POLR2E: variants seen among roughly 807,000 people sequenced by gnomAD.
POLR2E encodes RNA polymerase II, I and III subunit E.
A neutral mutation model predicts 29.8 loss-of-function variants in POLR2E; 35 were observed. That is an observed-to-expected ratio of 1.17 (90% CI 0.90 to 1.55). POLR2E has a LOEUF of 1.55. POLR2E is among the 40% of genes most tolerant of loss of function. The pLI is 0.00. For synonymous variants in POLR2E, 174 were observed against 112.6 expected (o/e 1.55, Z -3.45); for missense variants, 287 against 288.6 (o/e 0.99, Z 0.04).
Position 1,089,910 on chromosome 19 carries a change from G to A in POLR2E, c.541C>T (p.Arg181Cys), listed in dbSNP as rs778316755. ...TGCCCACGCTTTATCCCAAAGTAGCGCGCCACAGGGTCCCCCGCCTGGATC... is the reference window on the plus strand; with the variant it reads ...TGCCCACGCTTTATCCCAAAGTAGCACGCCACAGGGTCCCCCGCCTGGATC... The part of the protein sequence containing the change: ...PRIQAGDPVA[R>C]YFGIKRGQVV... The change falls in exon 6 of 8, where the codon CGC becomes TGC. Residue 181 changes from arginine (R) to cysteine (C), a missense_variant. Physicochemically the swap from Arg to Cys is radical, Grantham distance 180. Coordinates refer to ENST00000615234, the MANE Select transcript of POLR2E (RefSeq NM_002695.5). 27 of 1,612,592 alleles carry A rather than the reference G, an allele frequency of 1.7e-5. No homozygotes were observed. The highest frequency in any genetic ancestry group is 4.0e-5 in the African/African-American group (3 of 74,864).
In POLR2E at chr19:1,090,983, C is replaced by T. The variant is rs1006667623; in HGVS notation, c.354G>A (p.Leu118=). The change falls in exon 4 of 8, where the codon CTG becomes CTA. Residue 118 remains leucine, a synonymous_variant. Coordinates refer to ENST00000615234, the MANE Select transcript of POLR2E (RefSeq NM_002695.5). Reference sequence around the variant, plus strand: ...GGATGTACTTGGGGGCCATGTCGACCAGGGACTGGAAGAGAGCGGCTCTAA... The same window carrying T: ...GGATGTACTTGGGGGCCATGTCGACTAGGGACTGGAAGAGAGCGGCTCTAA... ...QGMTPSAKQS[L]VDMAPKYILE... is the part of the protein sequence containing the mutation. 1.2e-6 allele frequency: 2 copies of T among 1,613,638 alleles called. No homozygotes were observed. Among genetic ancestry groups the T allele is most frequent in the Admixed American group, 1.7e-5 (1 of 60,020 alleles).
rs2043917376 is a variant in POLR2E at position 1,095,306 on chromosome 19, C to T, written c.10G>A (p.Glu4Lys). 6.2e-7 allele frequency: 1 copy of T among 1,613,120 alleles called. No homozygotes were observed. The highest frequency in any genetic ancestry group is 8.5e-7 in the Non-Finnish European group (1 of 1,179,768). The change falls in exon 1 of 8, where the codon GAG becomes AAG. Residue 4 changes from glutamate to lysine, a missense_variant. Coordinates refer to ENST00000615234, the MANE Select transcript of POLR2E (RefSeq NM_002695.5). ...TTCCAGAGCCGGTACGTCTCCTCCT[C>T]GTCGTCCATGGCAGCCTCCGCCGCC... Reference protein sequence around the residue: MDDEEETYRLWKIR... With the variant: MDDKEETYRLWKIR...
chr19:1,093,740 C>T (rs1052499996), intron 2 of POLR2E, 164 bp downstream of exon 2: 1 of 1,408,054 alleles, frequency 7.1e-7, no homozygotes, highest in Admixed American at 3.2e-5. Context: ...GGTCAGAGAT[C>T]AACGGCATCA....
Position 1,087,797 on chromosome 19 carries a change from G to A in POLR2E, c.*938C>T, listed in dbSNP as rs2043736914. 1 of 152,338 alleles carries A rather than the reference G, an allele frequency of 6.6e-6. No homozygotes were observed. The highest frequency in any genetic ancestry group is 1.5e-5 in the Non-Finnish European group (1 of 68,040). The allele number at this position is 152,338 out of a possible 1,614,324, so 9.4% of individuals were successfully genotyped here. On this transcript the variant is annotated 3_prime_UTR_variant, in exon 8 of 8. Transcript: ENST00000615234. ...GTTACAGACCACCGACCGCCCGAGG[G>A]TGAATTACATCTTAATAAAGCTACT...
At chr19:1,090,460 ATTTT>A (rs58876047) in intron 4 of POLR2E, among the ~76,000 whole-genome samples, 3 of 90,450 alleles carry the variant, frequency 3.3e-5, no homozygotes, top group Admixed American at 2.7e-4. Flanking sequence ...CGGGATCTGC[ATTTT>A]TTTTTTTTTT....
intron 5 of POLR2E, 31 bp from the exon 6 acceptor site, chr19:1,089,993 A>C: frequency 8.0e-7 from 1 of 1,246,390 alleles, no homozygotes; most frequent in Non-Finnish European, 1.1e-6. Context: ...AATGCCAGAC[A>C]GGGCCGTTGG....
chr19:1,092,913 C>T (rs1343656849), intron 2 of POLR2E, among the ~76,000 whole-genome samples: 3 of 144,734 alleles, frequency 2.1e-5, no homozygotes, highest in South Asian at 2.2e-4. Context: ...AGACTGGGCG[C>T]GGTGGCTCAC....
Position 1,093,959 on chromosome 19 carries a change from G to T in POLR2E, c.177C>A (p.Thr59=). ...GGTCATCGTTGTGGGCCACCAGCAC[G>T]GTGAGGTCCGTGCGCCGCGGCCGCC... ...SEGRPRRTDL[T]VLVAHNDDPT... Residue 59 remains threonine, a synonymous_variant, in exon 2 of 8, where the codon ACC becomes ACA. Coordinates refer to ENST00000615234, the MANE Select transcript of POLR2E (RefSeq NM_002695.5). 1 of 1,613,310 alleles carries T rather than the reference G, an allele frequency of 6.2e-7. No homozygotes were observed. The highest frequency in any genetic ancestry group is 8.5e-7 in the Non-Finnish European group (1 of 1,179,748).
chr19:1,089,478 G>C lies in POLR2E; in HGVS notation c.*8C>G. Reference sequence around the variant, plus strand: ...TGTCCCTCGGCCGTCTCACCTGTCAGGCGGTAGCTACTGCACCAGCCGGTA... The same window carrying C: ...TGTCCCTCGGCCGTCTCACCTGTCACGCGGTAGCTACTGCACCAGCCGGTA... On this transcript the variant is annotated 3_prime_UTR_variant, in exon 7 of 8. Transcript: ENST00000615234. 1 of 1,611,504 alleles carries C rather than the reference G, an allele frequency of 6.2e-7. No homozygotes were observed. Among genetic ancestry groups the C allele is most frequent in the Non-Finnish European group, 8.5e-7 (1 of 1,178,018 alleles).
chr19:1,090,200 G>A, intron 4 of POLR2E, 55 bp from the exon 5 acceptor site: 1 of 1,476,878 alleles, frequency 6.8e-7, no homozygotes, highest in Non-Finnish European at 9.4e-7. Context: ...ACCCCACGTG[G>A]CTCCCAGGTG....
In POLR2E at chr19:1,090,050, C is replaced by CAGG. The variant is rs775591291; in HGVS notation, c.488+34_488+36dup. Reference sequence around the variant, plus strand: ...GGGGGAACGCGGAAGTCTCGAGGGACAGGGAGGGGCGGGGCCGGTGGGGCT... The same window carrying CAGG: ...GGGGGAACGCGGAAGTCTCGAGGGACAGGAGGGAGGGGCGGGGCCGGTGGGGCT... On this transcript the variant is annotated intron_variant, in intron 5 of 7. Coordinates refer to ENST00000615234, the MANE Select transcript of POLR2E (RefSeq NM_002695.5). The CAGG allele has an allele frequency of 2.8e-5, 43 of 1,561,040 alleles. No individual in the cohort carries two copies. The East Asian group carries it at 5.9e-4, about 21-fold the overall frequency.
rs1023720886 is a variant in POLR2E at position 1,093,930 on chromosome 19, G to A, written c.206C>T (p.Thr69Ile). 1 of 1,610,086 alleles carries A rather than the reference G, an allele frequency of 6.2e-7. No individual in the cohort carries two copies. The highest frequency in any genetic ancestry group is 1.3e-5 in the African/African-American group (1 of 74,746). ...TVLVAHNDDP[T>I]DQMFVFFPEE... ...TGGAAAGAACACAAACATCTGGTCG[G>A]TGGGGTCATCGTTGTGGGCCACCAG... The change falls in exon 2 of 8, where the codon ACC becomes ATC. Residue 69 changes from threonine to isoleucine, a missense_variant. Coordinates refer to ENST00000615234, the MANE Select transcript of POLR2E (RefSeq NM_002695.5).
At position 1,093,968 on chromosome 19, in the gene POLR2E, C is replaced by G. The variant is rs1365039679; in HGVS notation, c.168G>C (p.Thr56=). ...DKPSEGRPRR[T]DLTVLVAHND... Reference sequence around the variant, plus strand: ...TGTGGGCCACCAGCACGGTGAGGTCCGTGCGCCGCGGCCGCCCCTCACTCG... The same window carrying G: ...TGTGGGCCACCAGCACGGTGAGGTCGGTGCGCCGCGGCCGCCCCTCACTCG... Residue 56 remains threonine (T), a synonymous_variant, in exon 2 of 8, where the codon ACG becomes ACC. Coordinates refer to ENST00000615234, the MANE Select transcript of POLR2E (RefSeq NM_002695.5). The G allele has an allele frequency of 1.9e-6, 3 of 1,613,506 alleles. No homozygotes were observed. Among genetic ancestry groups the G allele is most frequent in the African/African-American group, 2.7e-5 (2 of 74,902 alleles).
intron 7 of POLR2E, 92 bp downstream of exon 7, chr19:1,089,380 C>T (rs1041098909): frequency 6.8e-5 from 58 of 849,318 alleles, no homozygotes; most frequent in Admixed American, 3.5e-4. Flanking sequence ...GTCTTGCTGC[C>T]GGACAAAGCA....
In POLR2E at chr19:1,089,553, T is replaced by C. The variant is rs772396366; in HGVS notation, c.568-2A>G. On this transcript the variant is annotated splice_acceptor_variant, in intron 6 of 7. Coordinates refer to ENST00000615234, the MANE Select transcript of POLR2E (RefSeq NM_002695.5). LOFTEE classifies it high-confidence loss of function. Reference sequence around the variant, plus strand: ...ACTGGGCCGGATGATCTTCACCACCTGCAGAGACAGAGAGCAGGGGCTGCG... The same window carrying C: ...ACTGGGCCGGATGATCTTCACCACCCGCAGAGACAGAGAGCAGGGGCTGCG... 1.9e-6 allele frequency: 3 copies of C among 1,613,224 alleles called. No homozygotes were observed. The highest frequency in any genetic ancestry group is 8.5e-7 in the Non-Finnish European group (1 of 1,179,422).
Position 1,094,038 on chromosome 19 carries a change from A to G in POLR2E, c.98T>C (p.Leu33Pro). Residue 33 changes from leucine to proline, a missense_variant, in exon 2 of 8, where the codon CTT (leucine) becomes CCT (proline). Coordinates refer to ENST00000615234, the MANE Select transcript of POLR2E (RefSeq NM_002695.5). ...TTTGAACTCCTCCAGGGTCTGGTCA[A>G]GCTCGTCCTGGGTCACCAGATAGCC... ...DRGYLVTQDE[L>P]DQTLEEFKAQ... 2 of 1,613,674 alleles carry G rather than the reference A, an allele frequency of 1.2e-6. No individual in the cohort carries two copies. The highest frequency in any genetic ancestry group is 1.7e-6 in the Non-Finnish European group (2 of 1,179,870).
Position 1,090,902 on chromosome 19 carries a change from G to A in POLR2E, c.429+6C>T, listed in dbSNP as rs200343416. 9.6e-5 allele frequency: 154 copies of A among 1,611,230 alleles called. 1 individual carries two copies. The highest frequency in any genetic ancestry group is 5.3e-4 in the African/African-American group (40 of 75,024). On this transcript the variant is annotated splice_donor_region_variant and intron_variant, in intron 4 of 7. Transcript: ENST00000615234. Reference sequence around the variant, plus strand: ...ACGCAGGCGGGATTCCGCGGCGCGCGCCCACCTCGTGCTCCGTGATGTTGA... The same window carrying A: ...ACGCAGGCGGGATTCCGCGGCGCGCACCCACCTCGTGCTCCGTGATGTTGA...
chr19:1,086,960 C>T lies in POLR2E; in HGVS notation c.*1775G>A, dbSNP rs907997695. On this transcript the variant is annotated 3_prime_UTR_variant, in exon 8 of 8. Coordinates refer to ENST00000615234, the MANE Select transcript of POLR2E (RefSeq NM_002695.5). ...GTCAGCCCCACATGGCCACCAAGCACTGGAAACGTGGCCCATGCGCCTGTG... is the reference window on the plus strand; with the variant it reads ...GTCAGCCCCACATGGCCACCAAGCATTGGAAACGTGGCCCATGCGCCTGTG... 1 of 151,982 alleles carries T rather than the reference C, an allele frequency of 6.6e-6. No homozygotes were observed. The highest frequency in any genetic ancestry group is 1.5e-5 in the Non-Finnish European group (1 of 68,030). The allele number at this position is 151,982 out of a possible 1,614,324, so 9.4% of individuals were successfully genotyped here. A position where few individuals can be genotyped will look rare whatever the true frequency, so the allele number is the denominator to read the frequency against.
rs752079495 is a variant in POLR2E, at chr19:1,094,129, C to T, written c.58-51G>A. 4 of 1,545,832 alleles carry T rather than the reference C, an allele frequency of 2.6e-6. No homozygotes were observed. In the Admixed American group the frequency reaches 5.8e-5, roughly 22 times the overall value. On this transcript the variant is annotated intron_variant, in intron 1 of 7. Coordinates refer to ENST00000615234, the MANE Select transcript of POLR2E (RefSeq NM_002695.5). ...CCCAGGGCAGAGAGAGGAAGGCGGCCAAAGCTCGTGACCCGGAAGTCAGAC... is the reference window on the plus strand; with the variant it reads ...CCCAGGGCAGAGAGAGGAAGGCGGCTAAAGCTCGTGACCCGGAAGTCAGAC...
Sources: allele counts gnomAD v4.1 joint callset (sites outside exome capture counted in the v4.1 genomes callset), GRCh38; gene constraint gnomAD v4.1.1; transcripts MANE v1.5; gene names NCBI Gene and HGNC (gene_info 2026-07-23, HGNC 2026-07-21).